ATP2C2: variants seen among roughly 807,000 people sequenced by gnomAD.
The protein encoded by ATP2C2 is calcium-transporting ATPase type 2C member 2.
In ATP2C2, 171 loss-of-function variants were observed where a neutral mutation model predicts 110.8. That is an observed-to-expected ratio of 1.54 (90% CI 1.36 to 1.75). The LOEUF (loss-of-function observed/expected upper bound fraction) is 1.75, where lower values mean the gene tolerates loss of function less well. ATP2C2 is among the 40% of genes most tolerant of loss of function. The pLI is 0.00. For synonymous variants in ATP2C2, 804 were observed against 508.4 expected (o/e 1.58, Z -7.82); for missense variants, 1,963 against 1,235.0 (o/e 1.59, Z -8.84).
chr16:84,395,908 T>C (rs1414654207), intron 1 of ATP2C2, among the ~76,000 whole-genome samples: 1 of 152,164 alleles, frequency 6.6e-6, no homozygotes, highest in Non-Finnish European at 1.5e-5. Context: ...CCCATTGTTA[T>C]GCAACCATCA....
chr16:84,375,307 C>T (rs747355187), intron 1 of ATP2C2, among the ~76,000 whole-genome samples: 2 of 152,062 alleles, frequency 1.3e-5, no homozygotes, highest in African/African-American at 2.4e-5. Flanking sequence ...TTTGGGAGTC[C>T]CAGGTGCGTG....
chr16:84,406,779 C>A, intron 3 of ATP2C2: 3 of 394,310 alleles, frequency 7.6e-6, no homozygotes, highest in Non-Finnish European at 1.0e-5. Context: ...AGGAGCTCCC[C>A]TCTGCGGCTG....
At chr16:84,432,751 C>T (rs1360026458) in intron 11 of ATP2C2, among the ~76,000 whole-genome samples, 1 of 152,060 alleles carries the variant, frequency 6.6e-6, no homozygotes, top group Non-Finnish European at 1.5e-5. Flanking sequence ...GAACTCCTGA[C>T]CTCAGGTGAT....
Position 84,460,742 on chromosome 16 carries a change from A to C in ATP2C2, c.2422A>C (p.Lys808Gln), listed in dbSNP as rs1911233942. 6.2e-7 allele frequency: 1 copy of C among 1,613,992 alleles called. No homozygotes were observed. Among genetic ancestry groups the C allele is most frequent in the Non-Finnish European group, 8.5e-7 (1 of 1,179,990 alleles). Residue 808 changes from lysine to glutamine, a missense_variant, in exon 24 of 27, where the codon AAG becomes CAG. Lys to Gln is a moderately conservative substitution (Grantham distance 53). Transcript: ENST00000262429. ...DTILSRALIL[K>Q]ILMSAAIIIS... ...CATCCTCAGCAGAGCCCTCATCCTG[A>C]AGATCCTCATGTCCGCGGCCATCAT...
chr16:84,431,502 A>C (rs144049290), intron 11 of ATP2C2, among the ~76,000 whole-genome samples: 6 of 152,022 alleles, frequency 3.9e-5, no homozygotes, highest in Non-Finnish European at 8.8e-5. Flanking sequence ...TCTCAAGACG[A>C]AAAAAAGGGA....
chr16:84,455,010 C>T (rs772494996), intron 21 of ATP2C2, 26 bp downstream of exon 21: 12 of 1,605,652 alleles, frequency 7.5e-6, no homozygotes, highest in South Asian at 1.1e-5. Context: ...GGTTGTTTTT[C>T]AGTTGCAAAA....
At chr16:84,461,623 C>G (rs1911347728) in intron 24 of ATP2C2, 91 bp from the exon 25 acceptor site, 3 of 1,190,794 alleles carry the variant, frequency 2.5e-6, no homozygotes, top group African/African-American at 1.5e-5. Flanking sequence ...CAGCCATGCC[C>G]CAGGAGCAGT....
intron 20 of ATP2C2, 33 bp downstream of exon 20, chr16:84,453,404 G>A (rs1322640674): frequency 6.2e-7 from 1 of 1,613,446 alleles, no homozygotes; most frequent in Admixed American, 1.7e-5. Flanking sequence ...AGGCTGCGCT[G>A]CTGGGGCCGG....
At chr16:84,405,477 G>A (rs754379357) in intron 3 of ATP2C2, among the ~76,000 whole-genome samples, 3,605 of 152,214 alleles carry the variant, frequency 0.024, 47 homozygotes, top group Non-Finnish European at 0.036. Flanking sequence ...CGGGCCCCAC[G>A]CTATATGAGT....
At chr16:84,425,304 A>C (rs1413212361) in intron 10 of ATP2C2, among the ~76,000 whole-genome samples, 1 of 152,182 alleles carries the variant, frequency 6.6e-6, no homozygotes, top group Non-Finnish European at 1.5e-5. Context: ...GGAAAATGGA[A>C]ATGGAGTATA....
At chr16:84,387,597 C>T (rs985115276) in intron 1 of ATP2C2, among the ~76,000 whole-genome samples, 3 of 152,158 alleles carry the variant, frequency 2.0e-5, no homozygotes, top group East Asian at 3.9e-4. Context: ...CATGAAGCAG[C>T]GTACTTAGAA....
intron 11 of ATP2C2, 151 bp downstream of exon 11, chr16:84,425,952 G>C (rs529095879): frequency 1.1e-5 from 9 of 823,590 alleles, no homozygotes; most frequent in African/African-American, 1.0e-4. Context: ...CCAATAGCAT[G>C]TTCTCCGACA....
intron 13 of ATP2C2, 57 bp from the exon 14 acceptor site, chr16:84,440,800 C>CT: frequency 1.4e-6 from 2 of 1,380,144 alleles, no homozygotes; most frequent in Non-Finnish European, 2.0e-6. Context: ...TGTGGGCCAA[C>CT]TGGGGGAGCA....
At chr16:84,416,292 A>G (rs1906827645) in intron 7 of ATP2C2, among the ~76,000 whole-genome samples, 1 of 152,226 alleles carries the variant, frequency 6.6e-6, no homozygotes, top group Admixed American at 6.5e-5. Flanking sequence ...TGGGTTCCCA[A>G]GAGGTTACAT....
At chr16:84,395,475 T>C (rs1026564483) in intron 1 of ATP2C2, among the ~76,000 whole-genome samples, 1 of 151,558 alleles carries the variant, frequency 6.6e-6, no homozygotes, top group African/African-American at 2.4e-5. Context: ...TTTTTTTTTT[T>C]TGAGACAGAG....
At chr16:84,386,482 T>C (rs368014998) in intron 1 of ATP2C2, among the ~76,000 whole-genome samples, 5 of 152,276 alleles carry the variant, frequency 3.3e-5, no homozygotes, top group South Asian at 4.1e-4. Context: ...TTGCCAACAA[T>C]TGCACTGGCC....
At chr16:84,460,632 G>A (rs552180019) in intron 23 of ATP2C2, 22 bp from the exon 24 acceptor site, 2 of 1,614,142 alleles carry the variant, frequency 1.2e-6, no homozygotes, top group East Asian at 2.2e-5. Flanking sequence ...ATTTCAAAGT[G>A]TCTGTGTCTT....
chr16:84,372,104 C>T (rs1909988031), intron 1 of ATP2C2, among the ~76,000 whole-genome samples: 1 of 152,136 alleles, frequency 6.6e-6, no homozygotes, highest in Non-Finnish European at 1.5e-5. Flanking sequence ...TAGGATGAGG[C>T]TGCAGAGGAG....
intron 2 of ATP2C2, chr16:84,404,829 T>TTAA: frequency 6.5e-6 from 2 of 305,710 alleles, no homozygotes; most frequent in Non-Finnish European, 6.3e-6. Context: ...TTTTTTTTTT[T>TTAA]AAGAAGAAAA....
Sources: gnomAD v4.1 joint callset for allele counts (sites outside exome capture counted in the v4.1 genomes callset) on GRCh38, gnomAD v4.1.1 for gene constraint, MANE v1.5 for transcripts, NCBI Gene and HGNC (gene_info 2026-07-23, HGNC 2026-07-21) for gene names.